The following PLPPR4 variants were observed in gnomAD, a reference collection of about 807,000 sequenced individuals.
PLPPR4 encodes phospholipid phosphatase related 4, also known as phospholipid phosphatase-related protein type 4.
A neutral mutation model predicts 56.6 loss-of-function variants in PLPPR4; 24 were observed. The observed-to-expected ratio is 0.42, with a 90% CI of 0.31 to 0.60. The LOEUF is 0.60. Among genes scored for constraint, PLPPR4 ranks in the 20% least tolerant of loss-of-function variants. The pLI is 0.13. For missense variants in PLPPR4, 654 were observed against 885.8 expected (o/e 0.74, Z 3.32); for synonymous variants, 326 against 328.1 (o/e 0.99, Z 0.07).
intron 2 of PLPPR4, among the ~76,000 whole-genome samples, chr1:99,289,683 A>G (rs1242434638): frequency 6.6e-6 from 1 of 152,156 alleles, no homozygotes; most frequent in East Asian, 1.9e-4. Flanking sequence ...AAACAGAACT[A>G]AAGACAAAAG....
chr1:99,292,596 C>T (rs1295589103), intron 2 of PLPPR4, among the ~76,000 whole-genome samples: 1 of 152,098 alleles, frequency 6.6e-6, no homozygotes, highest in Non-Finnish European at 1.5e-5. Flanking sequence ...CTTCAGGATC[C>T]CTGATTTCCC....
intron 6 of PLPPR4, among the ~76,000 whole-genome samples, chr1:99,303,953 T>G (rs188181426): frequency 6.6e-6 from 1 of 152,348 alleles, no homozygotes; most frequent in Admixed American, 6.5e-5. Flanking sequence ...CATTTCATGA[T>G]GTCCTGGAAT....
At chr1:99,290,182 C>T (rs538747298) in intron 2 of PLPPR4, among the ~76,000 whole-genome samples, 1 of 152,076 alleles carries the variant, frequency 6.6e-6, no homozygotes, top group Non-Finnish European at 1.5e-5. Flanking sequence ...AAAAAGAACT[C>T]CCATTCACAA....
intron 1 of PLPPR4, among the ~76,000 whole-genome samples, chr1:99,280,988 T>A (rs921038900): frequency 6.6e-6 from 1 of 152,138 alleles, no homozygotes; most frequent in Admixed American, 6.6e-5. Context: ...TCTAGGAAAA[T>A]TAGTTTGGAA....
At chr1:99,283,892 T>C (rs1165837160) in intron 1 of PLPPR4, among the ~76,000 whole-genome samples, 1 of 152,016 alleles carries the variant, frequency 6.6e-6, no homozygotes. Context: ...GTGGAGGTTG[T>C]AGGGGGCCGA....
intron 1 of PLPPR4, among the ~76,000 whole-genome samples, chr1:99,284,891 G>C (rs555537702): frequency 3.9e-5 from 6 of 152,250 alleles, no homozygotes; most frequent in Non-Finnish European, 8.8e-5. Context: ...GCCTTAAGGA[G>C]ATTTTAGTTT....
intron 6 of PLPPR4, among the ~76,000 whole-genome samples, chr1:99,303,335 T>A (rs1659933932): frequency 6.6e-6 from 1 of 152,090 alleles, no homozygotes; most frequent in African/African-American, 2.4e-5. Context: ...AAATGACAGA[T>A]GAAGCAGATT....
At position 99,294,556 on chromosome 1, in the gene PLPPR4, C is replaced by G. The variant is rs547008030; in HGVS notation, c.265-2182C>G. 5.3e-5 allele frequency among the ~76,000 whole-genome samples: 8 copies of G among 152,078 alleles called. No homozygotes were observed. In the East Asian group the frequency reaches 1.6e-3, roughly 30 times the overall value. ...ACTAAAAATACAAAAATCAGCCAAC[C>G]TTGGTGGTGCATGCCTATATTCCCA... On this transcript the variant is annotated intron_variant, in intron 2 of 6. Transcript: ENST00000370185.
At chr1:99,279,150 T>C (rs1168488397) in intron 1 of PLPPR4, among the ~76,000 whole-genome samples, 1 of 152,206 alleles carries the variant, frequency 6.6e-6, no homozygotes, top group Non-Finnish European at 1.5e-5. Context: ...GATAAAGAGA[T>C]GGATAAGACT....
chr1:99,273,070 G>T (rs1339500454), intron 1 of PLPPR4, among the ~76,000 whole-genome samples: 2 of 152,042 alleles, frequency 1.3e-5, no homozygotes, highest in Admixed American at 1.3e-4. Flanking sequence ...CTATCGAATG[G>T]AGTAATCTTT....
At chr1:99,268,235 G>C (rs1395362228) in intron 1 of PLPPR4, among the ~76,000 whole-genome samples, 2 of 152,254 alleles carry the variant, frequency 1.3e-5, no homozygotes, top group Admixed American at 6.5e-5. Context: ...CAACAGATCA[G>C]CTTCCTCAGC....
chr1:99,268,076 T>C (rs76437134), intron 1 of PLPPR4, among the ~76,000 whole-genome samples: 4,210 of 152,332 alleles, frequency 0.028, 152 homozygotes, highest in East Asian at 0.17. Flanking sequence ...AAGGTCACGC[T>C]CTTCACCACT....
At chr1:99,277,918 G>A (rs573144396) in intron 1 of PLPPR4, among the ~76,000 whole-genome samples, 4 of 151,986 alleles carry the variant, frequency 2.6e-5, no homozygotes, top group Non-Finnish European at 5.9e-5. Context: ...TTATTACAAG[G>A]TGAACATCTG....
At chr1:99,295,617 T>G (rs1284298974) in intron 2 of PLPPR4, among the ~76,000 whole-genome samples, 1 of 152,226 alleles carries the variant, frequency 6.6e-6, no homozygotes, top group Non-Finnish European at 1.5e-5. Context: ...AACAATCTTT[T>G]AGGCACAATT....
intron 1 of PLPPR4, among the ~76,000 whole-genome samples, chr1:99,279,546 A>C (rs540506938): frequency 6.6e-6 from 1 of 152,028 alleles, no homozygotes; most frequent in East Asian, 1.9e-4. Flanking sequence ...AGTGCCTGCC[A>C]CCCCTTTCCT....
At chr1:99,292,552 G>A (rs373488802) in intron 2 of PLPPR4, among the ~76,000 whole-genome samples, 2 of 152,198 alleles carry the variant, frequency 1.3e-5, no homozygotes, top group Middle Eastern at 6.8e-3. Flanking sequence ...ATGCCTCTTC[G>A]TGGAAGGAAA....
chr1:99,291,677 A>G (rs1274576417), intron 2 of PLPPR4, among the ~76,000 whole-genome samples: 3 of 152,200 alleles, frequency 2.0e-5, no homozygotes, highest in Non-Finnish European at 4.4e-5. Flanking sequence ...ACAGGAACAG[A>G]AAACCAAACA....
intron 1 of PLPPR4, among the ~76,000 whole-genome samples, chr1:99,271,934 G>GTC (rs1659070449): frequency 7.1e-6 from 1 of 141,106 alleles, no homozygotes. Context: ...GTGTGTGTGT[G>GTC]TGTGTGTGTG....
intron 1 of PLPPR4, among the ~76,000 whole-genome samples, chr1:99,285,478 G>A (rs533828865): frequency 2.0e-5 from 3 of 152,236 alleles, no homozygotes; most frequent in Non-Finnish European, 4.4e-5. Flanking sequence ...GGGAAGTAGT[G>A]AGGCAAAATG....
Sources: gnomAD v4.1 joint callset for allele counts (sites outside exome capture counted in the v4.1 genomes callset) on GRCh38, gnomAD v4.1.1 for gene constraint, MANE v1.5 for transcripts, NCBI Gene and HGNC (gene_info 2026-07-23, HGNC 2026-07-21) for gene names.